The following SNX29 variants were observed in gnomAD, a reference collection of about 807,000 sequenced individuals.
SNX29 encodes sorting nexin 29.
In SNX29, 78 loss-of-function variants were observed where a neutral mutation model predicts 102.1. The ratio of observed to expected loss-of-function variants is 0.76; its 90% CI spans 0.64 to 0.92. The LOEUF (loss-of-function observed/expected upper bound fraction) is 0.92, where lower values mean the gene tolerates loss of function less well. SNX29 is among the 40% of genes least tolerant of loss of function. The pLI is 0.00. For missense variants in SNX29, 1,280 were observed against 1,061.7 expected (o/e 1.21, Z -2.86); for synonymous variants, 580 against 414.5 (o/e 1.40, Z -4.85).
At chr16:12,162,366 G>A (rs2055824515) in intron 13 of SNX29, among the ~76,000 whole-genome samples, 1 of 152,140 alleles carries the variant, frequency 6.6e-6, no homozygotes, top group African/African-American at 2.4e-5. Context: ...CTTGTCCAGG[G>A]CATCCACACC....
chr16:12,408,157 C>CAAAAAAAAAAAAAAAAAAAAAAAAA (rs1555530421), intron 18 of SNX29, among the ~76,000 whole-genome samples: 1 of 142,924 alleles, frequency 7.0e-6, no homozygotes, highest in African/African-American at 2.8e-5. Flanking sequence ...GGACCCTTCT[C>CAAAAAAAAAAAAAAAAAAAAAAAAA]AAAAAAACAA....
chr16:12,042,948 A>G lies in SNX29; in HGVS notation c.299A>G (p.Gln100Arg). Residue 100 changes from glutamine (Q) to arginine (R), a missense_variant, in exon 5 of 21, where the codon CAG becomes CGG. By Grantham distance (43) the Gln-to-Arg change is conservative. Coordinates refer to ENST00000566228, the MANE Select transcript of SNX29 (RefSeq NM_032167.5). ...VKEVLNKHEL[Q>R]RFYSLRHIAS... Reference sequence around the variant, plus strand: ...GAGGTCCTCAACAAGCACGAGCTGCAGCGCTTCTACTCCCTGCGCCACATC... The same window carrying G: ...GAGGTCCTCAACAAGCACGAGCTGCGGCGCTTCTACTCCCTGCGCCACATC... 1 of 1,613,810 alleles carries G rather than the reference A, an allele frequency of 6.2e-7. No individual in the cohort carries two copies. The highest frequency in any genetic ancestry group is 8.5e-7 in the Non-Finnish European group (1 of 1,179,768).
chr16:12,123,704 C>T (rs1430978848), intron 11 of SNX29, among the ~76,000 whole-genome samples: 5 of 152,018 alleles, frequency 3.3e-5, no homozygotes, highest in Non-Finnish European at 7.4e-5. Flanking sequence ...TGCAGAGCTG[C>T]CTTCAGCCCT....
intron 20 of SNX29, among the ~76,000 whole-genome samples, chr16:12,544,410 A>T (rs562691985): frequency 2.6e-5 from 4 of 152,230 alleles, no homozygotes; most frequent in African/African-American, 9.6e-5. Flanking sequence ...CTAAAACATT[A>T]TGTCAGCTGG....
chr16:12,406,258 C>A (rs1471136269), intron 18 of SNX29, among the ~76,000 whole-genome samples: 1 of 152,184 alleles, frequency 6.6e-6, no homozygotes, highest in Non-Finnish European at 1.5e-5. Flanking sequence ...GGCTTCCTGG[C>A]AGCCATTGTG....
At chr16:12,116,762 G>T (rs1422596673) in intron 11 of SNX29, among the ~76,000 whole-genome samples, 1 of 152,162 alleles carries the variant, frequency 6.6e-6, no homozygotes, top group Non-Finnish European at 1.5e-5. Flanking sequence ...CAACACAGAT[G>T]AACCGTGGAA....
intron 11 of SNX29, among the ~76,000 whole-genome samples, chr16:12,092,956 C>A (rs1000359174): frequency 6.6e-6 from 1 of 152,130 alleles, no homozygotes; most frequent in East Asian, 1.9e-4. Flanking sequence ...ATACCCGAGG[C>A]CAGGTGTTGG....
At chr16:12,418,690 T>A (rs1045543696) in intron 18 of SNX29, among the ~76,000 whole-genome samples, 1 of 152,176 alleles carries the variant, frequency 6.6e-6, no homozygotes, top group African/African-American at 2.4e-5. Context: ...AATTTTTGTA[T>A]TTTTAGTAGA....
At chr16:12,300,720 C>T (rs1407464698) in intron 15 of SNX29, among the ~76,000 whole-genome samples, 9 of 152,186 alleles carry the variant, frequency 5.9e-5, no homozygotes, top group South Asian at 2.1e-4. Flanking sequence ...GTGACATCTC[C>T]GTGGATTGTC....
chr16:12,539,092 A>G (rs755078900), intron 20 of SNX29, among the ~76,000 whole-genome samples: 6 of 152,256 alleles, frequency 3.9e-5, no homozygotes, highest in Admixed American at 1.3e-4. Flanking sequence ...TAGATTGCCC[A>G]GAGTCCTACT....
chr16:12,302,495 G>C (rs1272098595), intron 15 of SNX29, among the ~76,000 whole-genome samples: 1 of 152,186 alleles, frequency 6.6e-6, no homozygotes, highest in Non-Finnish European at 1.5e-5. Flanking sequence ...GTGGGGTCTG[G>C]TGAGGGCCCA....
chr16:12,503,980 A>G (rs956233264), intron 19 of SNX29, among the ~76,000 whole-genome samples: 12 of 152,168 alleles, frequency 7.9e-5, no homozygotes, highest in African/African-American at 2.9e-4. Flanking sequence ...TTGTGCAGCC[A>G]TCACCCCAAG....
intron 20 of SNX29, among the ~76,000 whole-genome samples, chr16:12,536,391 A>C (rs948255919): frequency 2.6e-5 from 4 of 151,950 alleles, no homozygotes; most frequent in Admixed American, 6.6e-5. Context: ...TTTCACATTA[A>C]AGGTACAAGC....
At chr16:12,507,187 G>T (rs781741188) in intron 19 of SNX29, among the ~76,000 whole-genome samples, 1 of 152,232 alleles carries the variant, frequency 6.6e-6, no homozygotes, top group Non-Finnish European at 1.5e-5. Context: ...AAGTGGTGCA[G>T]CCAGGATTGA....
At chr16:12,283,717 G>A (rs553645480) in intron 15 of SNX29, among the ~76,000 whole-genome samples, 24 of 152,318 alleles carry the variant, frequency 1.6e-4, no homozygotes, top group African/African-American at 5.5e-4. Context: ...GGGACGCAGT[G>A]CCTGTGTTTA....
intron 16 of SNX29, among the ~76,000 whole-genome samples, chr16:12,370,946 CTCT>C (rs1567490980): frequency 6.6e-6 from 1 of 152,216 alleles, no homozygotes; most frequent in Non-Finnish European, 1.5e-5. Flanking sequence ...TGGAAATAAC[CTCT>C]TCTTGAGGGG....
intron 1 of SNX29, among the ~76,000 whole-genome samples, chr16:11,980,253 A>G (rs191215270): frequency 3.5e-4 from 53 of 152,292 alleles, no homozygotes; most frequent in Non-Finnish European, 7.3e-4. Flanking sequence ...ATATAAATGA[A>G]ATCATACAGT....
At chr16:12,153,060 T>G (rs969981283) in intron 13 of SNX29, among the ~76,000 whole-genome samples, 2 of 152,248 alleles carry the variant, frequency 1.3e-5, no homozygotes, top group Non-Finnish European at 2.9e-5. Context: ...ACTATAGCTT[T>G]CTTTTGTGCC....
chr16:12,500,615 T>G (rs973432477), intron 19 of SNX29, among the ~76,000 whole-genome samples: 3 of 152,234 alleles, frequency 2.0e-5, no homozygotes, highest in Admixed American at 6.5e-5. Flanking sequence ...AAAGAATGAT[T>G]CTACAATTTT....
Sources: gnomAD v4.1 joint callset for allele counts (sites outside exome capture counted in the v4.1 genomes callset) on GRCh38, gnomAD v4.1.1 for gene constraint, MANE v1.5 for transcripts, NCBI Gene and HGNC (gene_info 2026-07-23, HGNC 2026-07-21) for gene names.